Variants in CYP4F22 observed in about 807,000 individuals in gnomAD.
The protein encoded by CYP4F22 is cytochrome P450 family 4 subfamily F member 22.
CYP4F22 carries 37 observed loss-of-function variants against 60.4 expected under a neutral mutation model. The observed-to-expected ratio is 0.61, with a 90% CI of 0.47 to 0.81. The LOEUF (loss-of-function observed/expected upper bound fraction) is 0.81. CYP4F22 is among the 30% of genes least tolerant of loss of function. The pLI is 0.00. For missense variants in CYP4F22, 655 were observed against 715.0 expected, an observed-to-expected ratio of 0.92 and a Z score of 0.96; for synonymous variants, 258 against 280.5, an observed-to-expected ratio of 0.92 and a Z score of 0.80.
At chr19:15,526,706 T>C (rs1175610517) in intron 3 of CYP4F22, among the ~76,000 whole-genome samples, 2 of 152,032 alleles carry the variant, frequency 1.3e-5, no homozygotes, top group East Asian at 3.8e-4. Flanking sequence ...ATGCCTCTAG[T>C]TTCTGTAGTT....
intron 1 of CYP4F22, among the ~76,000 whole-genome samples, chr19:15,518,498 A>AT (rs1555726929): frequency 2.0e-5 from 3 of 149,732 alleles, no homozygotes; most frequent in African/African-American, 4.9e-5. Context: ...AAAAAAAAAA[A>AT]ATTACCTGGG....
intron 4 of CYP4F22, 135 bp from the exon 5 acceptor site, chr19:15,537,226 G>C (rs1971404926): frequency 8.7e-7 from 1 of 1,148,508 alleles, no homozygotes; most frequent in African/African-American, 1.5e-5. Context: ...GCTTGAACCT[G>C]GGAGGCGGAG....
intron 13 of CYP4F22, 60 bp from the exon 14 acceptor site, chr19:15,551,234 C>T (rs912487187): frequency 6.4e-6 from 10 of 1,566,818 alleles, no homozygotes; most frequent in African/African-American, 4.1e-5. Flanking sequence ...AGGCATGTGA[C>T]CCCCGGGGAC....
At chr19:15,539,510 T>C (rs1971434875) in intron 7 of CYP4F22, among the ~76,000 whole-genome samples, 1 of 152,252 alleles carries the variant, frequency 6.6e-6, no homozygotes, top group Non-Finnish European at 1.5e-5. Context: ...GCACAAAGTT[T>C]TGTGTGAACA....
At chr19:15,535,768 A>G (rs181509825) in intron 4 of CYP4F22, among the ~76,000 whole-genome samples, 12 of 152,096 alleles carry the variant, frequency 7.9e-5, no homozygotes, top group Admixed American at 2.6e-4. Flanking sequence ...TCATCCATCC[A>G]CCCATTTATT....
intron 1 of CYP4F22, among the ~76,000 whole-genome samples, chr19:15,513,425 C>T (rs1454287323): frequency 3.4e-5 from 5 of 145,954 alleles, no homozygotes; most frequent in East Asian, 2.0e-4. Flanking sequence ...AGTGCAGTGG[C>T]GCGATCTCGG....
At chr19:15,540,833 C>T (rs1354464858) in intron 8 of CYP4F22, 116 bp downstream of exon 8, 1 of 1,369,834 alleles carries the variant, frequency 7.3e-7, no homozygotes, top group Non-Finnish European at 1.0e-6. Context: ...ACGTGTAATC[C>T]CAGCGCTTTG....
chr19:15,510,897 T>C (rs1971081075), intron 1 of CYP4F22, among the ~76,000 whole-genome samples: 3 of 149,554 alleles, frequency 2.0e-5, no homozygotes, highest in Non-Finnish European at 4.4e-5. Flanking sequence ...GGCTGGAGGA[T>C]GGTTTGAGCC....
rs148906616 is a variant in CYP4F22 at position 15,511,440 on chromosome 19, C to T, written c.-109+2857C>T. On this transcript the variant is annotated intron_variant, in intron 1 of 13. Transcript: ENST00000269703. Reference sequence around the variant, plus strand: ...CACCACTGCACTCCAGCCTGAAGGACACAGCAAGACCATGTCTAAAAAACA... The same window carrying T: ...CACCACTGCACTCCAGCCTGAAGGATACAGCAAGACCATGTCTAAAAAACA... Among the ~76,000 whole-genome samples the T allele has an allele frequency of 7.8e-3, 1,183 of 152,124 alleles. 11 individuals are homozygous for T. Among genetic ancestry groups the T allele is most frequent in the Non-Finnish European group, 0.013 (899 of 68,004 alleles).
chr19:15,522,930 T>C lies in CYP4F22; in HGVS notation c.-108-763T>C, dbSNP rs569558862. On this transcript the variant is annotated intron_variant, in intron 1 of 13. Transcript: ENST00000269703. ...TTCACCATGTTGTCCAGGCTGGTCT[T>C]GAACTCCTGAACTCAAGTGATCTGC... Among the ~76,000 whole-genome samples, 9 of 150,630 alleles carry C rather than the reference T, an allele frequency of 6.0e-5. No individual in the cohort carries two copies. In the South Asian group the frequency reaches 1.9e-3, roughly 33 times the overall value.
chr19:15,510,960 A>AT (rs1568351343), intron 1 of CYP4F22, among the ~76,000 whole-genome samples: 4 of 115,660 alleles, frequency 3.5e-5, no homozygotes, highest in African/African-American at 1.6e-4. Context: ...ATATATATAT[A>AT]TATATATTTT....
chr19:15,547,501 G>A (rs1005309798), intron 10 of CYP4F22, among the ~76,000 whole-genome samples: 10 of 152,216 alleles, frequency 6.6e-5, no homozygotes, highest in Admixed American at 3.3e-4. Flanking sequence ...TGTTCTGAGC[G>A]GTTGGTGCTC....
chr19:15,550,596 C>G (rs1018904425), intron 12 of CYP4F22, 78 bp from the exon 13 acceptor site: 86 of 1,470,660 alleles, frequency 5.8e-5, no homozygotes, highest in Non-Finnish European at 6.5e-5. Context: ...TTACTGACCC[C>G]CAGAGGCTCA....
chr19:15,510,966 A>ATATATATATATATT (rs34055543), intron 1 of CYP4F22, among the ~76,000 whole-genome samples: 5 of 103,336 alleles, frequency 4.8e-5, no homozygotes, highest in African/African-American at 9.2e-5. Flanking sequence ...ATATATATAT[A>ATATATATATATATT]TTTTTTTTTT....
At chr19:15,514,167 A>G (rs2144496532) in intron 1 of CYP4F22, among the ~76,000 whole-genome samples, 1 of 152,304 alleles carries the variant, frequency 6.6e-6, no homozygotes, top group Middle Eastern at 3.4e-3. Flanking sequence ...CAACTGTGGG[A>G]GACTTATTCA....
At chr19:15,531,846 T>C in intron 4 of CYP4F22, among the ~76,000 whole-genome samples, 1 of 152,146 alleles carries the variant, frequency 6.6e-6, no homozygotes, top group Non-Finnish European at 1.5e-5. Context: ...GACTCATGCC[T>C]GCAGTCTCAG....
intron 1 of CYP4F22, among the ~76,000 whole-genome samples, chr19:15,509,882 TTCC>T (rs1478759198): frequency 5.5e-5 from 7 of 127,134 alleles, no homozygotes; most frequent in Non-Finnish European, 1.2e-4. Context: ...CCTTCCTTCC[TTCC>T]TTCCTTCCTT....
chr19:15,547,990 AGAGAGGGAGAGAGTGTGTGTGT>A lies in CYP4F22; in HGVS notation c.1137-116_1137-95del, dbSNP rs1481055967. On this transcript the variant is annotated intron_variant, in intron 10 of 13. Coordinates refer to ENST00000269703, the MANE Select transcript of CYP4F22 (RefSeq NM_173483.4). ...CCCTGAGAGAGAGAGAGAGAGAGAG[AGAGAGGGAGAGAGTGTGTGTGT>A]GTGTGTGTGTGTGTGTGTGTGTGTG... 8.6e-3 allele frequency: 2,837 copies of A among 328,392 alleles called. 53 individuals are homozygous for A. The highest frequency in any genetic ancestry group is 0.01 in the Non-Finnish European group (2,217 of 215,066). 20.3% of individuals were successfully genotyped at this position (328,392 alleles called of 1,614,324 possible).
chr19:15,510,258 A>G (rs1328129356), intron 1 of CYP4F22, among the ~76,000 whole-genome samples: 1 of 152,176 alleles, frequency 6.6e-6, no homozygotes, highest in Non-Finnish European at 1.5e-5. Flanking sequence ...CTGGGATTAC[A>G]GGCATGAGCC....
Sources: allele counts gnomAD v4.1 joint callset (sites outside exome capture counted in the v4.1 genomes callset), GRCh38; gene constraint gnomAD v4.1.1; transcripts MANE v1.5; gene names NCBI Gene and HGNC (gene_info 2026-07-23, HGNC 2026-07-21).